The following ARHGAP42 variants were observed in gnomAD, a reference collection of about 807,000 sequenced individuals.
ARHGAP42 encodes the protein rho GTPase-activating protein 42.
Under a neutral mutation model 125.0 loss-of-function variants are expected in ARHGAP42, and 63 were observed. The observed-to-expected ratio is 0.50, with a 90% CI of 0.41 to 0.62. ARHGAP42 has a LOEUF of 0.62. ARHGAP42 is among the 20% of genes least tolerant of loss of function. The probability of loss-of-function intolerance (pLI) is 0.00; values close to 1 mark genes in which losing one functional copy is unlikely to be tolerated. For synonymous variants in ARHGAP42, 339 were observed against 351.0 expected, an observed-to-expected ratio of 0.97 and a Z score of 0.38; for missense variants, 766 against 1,024.2, an observed-to-expected ratio of 0.75 and a Z score of 3.44.
chr11:100,726,678 A>C (rs771616138), intron 1 of ARHGAP42, among the ~76,000 whole-genome samples: 4 of 152,222 alleles, frequency 2.6e-5, no homozygotes, highest in African/African-American at 7.2e-5. Flanking sequence ...ATTTACATGG[A>C]GCACTACCAA....
At chr11:100,809,447 AT>A (rs1211924093) in intron 3 of ARHGAP42, among the ~76,000 whole-genome samples, 2 of 152,254 alleles carry the variant, frequency 1.3e-5, no homozygotes, top group East Asian at 3.8e-4. Flanking sequence ...CTATTGTAAT[AT>A]GGCAATGACC....
At chr11:100,902,364 AT>A (rs5794078) in intron 4 of ARHGAP42, among the ~76,000 whole-genome samples, 7,919 of 151,998 alleles carry the variant, frequency 0.052, 366 homozygotes, top group East Asian at 0.25. Context: ...TAATATGTTG[AT>A]TTTTTTTCCT....
chr11:100,896,231 C>T (rs1266673447), intron 4 of ARHGAP42, among the ~76,000 whole-genome samples: 2 of 149,172 alleles, frequency 1.3e-5, no homozygotes, highest in African/African-American at 4.9e-5. Flanking sequence ...TTTTCTTAAT[C>T]CAGTCTATCA....
chr11:100,899,156 G>A (rs953308576), intron 4 of ARHGAP42, among the ~76,000 whole-genome samples: 1 of 152,228 alleles, frequency 6.6e-6, no homozygotes, highest in Admixed American at 6.5e-5. Context: ...GCAGTTTTGA[G>A]TGAGTTTCTT....
chr11:100,797,256 C>G (rs1218200952), intron 3 of ARHGAP42, among the ~76,000 whole-genome samples: 1 of 152,152 alleles, frequency 6.6e-6, no homozygotes, highest in Non-Finnish European at 1.5e-5. Flanking sequence ...TGGCTGAGAT[C>G]GTAGATGAAG....
At chr11:100,902,471 T>C (rs1293009575) in intron 4 of ARHGAP42, among the ~76,000 whole-genome samples, 1 of 152,196 alleles carries the variant, frequency 6.6e-6, no homozygotes, top group Non-Finnish European at 1.5e-5. Flanking sequence ...GCAAAGCCCT[T>C]GAAAATGTTT....
chr11:100,936,377 C>G, intron 8 of ARHGAP42, 45 bp downstream of exon 8: 1 of 1,549,118 alleles, frequency 6.5e-7, no homozygotes, highest in Non-Finnish European at 8.7e-7. Flanking sequence ...GACTTAGCCA[C>G]GATCATGAGA....
chr11:100,696,362 A>AT (rs1366385115), intron 1 of ARHGAP42, among the ~76,000 whole-genome samples: 1 of 151,486 alleles, frequency 6.6e-6, no homozygotes, highest in Non-Finnish European at 1.5e-5. Flanking sequence ...TTATCTATTT[A>AT]TTTTTTTTGA....
At chr11:100,717,951 G>A (rs894344865) in intron 1 of ARHGAP42, among the ~76,000 whole-genome samples, 6 of 150,330 alleles carry the variant, frequency 4.0e-5, no homozygotes, top group African/African-American at 7.3e-5. Context: ...ACACCGTAGT[G>A]TATTCAGTGT....
intron 6 of ARHGAP42, among the ~76,000 whole-genome samples, chr11:100,928,493 G>T (rs1043816321): frequency 6.6e-6 from 1 of 151,890 alleles, no homozygotes; most frequent in Admixed American, 6.6e-5. Context: ...GGCTGAGGTG[G>T]GAGGATCACT....
intron 1 of ARHGAP42, among the ~76,000 whole-genome samples, chr11:100,739,100 G>C (rs1188002597): frequency 6.6e-6 from 1 of 152,146 alleles, no homozygotes; most frequent in African/African-American, 2.4e-5. Flanking sequence ...GAAATATGTA[G>C]ATTTGACAGT....
intron 1 of ARHGAP42, among the ~76,000 whole-genome samples, chr11:100,703,331 C>A (rs1156515584): frequency 6.6e-6 from 1 of 152,074 alleles, no homozygotes; most frequent in Non-Finnish European, 1.5e-5. Flanking sequence ...ATATTTCTTG[C>A]AGGATTTTTG....
chr11:100,921,377 A>G, intron 5 of ARHGAP42, 117 bp from the exon 6 acceptor site: 1 of 714,770 alleles, frequency 1.4e-6, no homozygotes. Context: ...AAGGACTATA[A>G]TAAGTGCTGT....
rs1265333637 is a variant in ARHGAP42, at chr11:100,933,277, TC to T, written c.702+18del. The T allele has an allele frequency of 6.7e-7, 1 of 1,490,314 alleles. No homozygotes were observed. The allele number at this position is 1,490,314 out of a possible 1,614,324, so 92.3% of individuals were successfully genotyped here. A position where few individuals can be genotyped will look rare whatever the true frequency, so the allele number is the denominator to read the frequency against. On this transcript the variant is annotated intron_variant, in intron 7 of 23. Transcript: ENST00000298815. ...TTGCAGAATGTAAGAGTATACCTGT[TC>T]TTACTGTCTCTCAGCAAATCTGCAA...
chr11:100,875,872 G>A (rs976637274), intron 4 of ARHGAP42, among the ~76,000 whole-genome samples: 5 of 152,094 alleles, frequency 3.3e-5, no homozygotes, highest in African/African-American at 1.2e-4. Context: ...AGATTTCAGT[G>A]TCCATAAATA....
At chr11:100,731,248 TC>T (rs1429295005) in intron 1 of ARHGAP42, among the ~76,000 whole-genome samples, 3 of 152,052 alleles carry the variant, frequency 2.0e-5, no homozygotes, top group African/African-American at 7.2e-5. Flanking sequence ...AACCTCTGCC[TC>T]CCGGGTTCAA....
At chr11:100,749,671 A>C (rs1862398616) in intron 1 of ARHGAP42, among the ~76,000 whole-genome samples, 1 of 152,130 alleles carries the variant, frequency 6.6e-6, no homozygotes, top group African/African-American at 2.4e-5. Flanking sequence ...AGGCGTACCG[A>C]TATAACTTCC....
intron 1 of ARHGAP42, among the ~76,000 whole-genome samples, chr11:100,711,085 G>T (rs2120237082): frequency 6.6e-6 from 1 of 152,320 alleles, no homozygotes; most frequent in Non-Finnish European, 1.5e-5. Context: ...AGTTTGTGAA[G>T]ATTTAACACT....
Position 100,943,629 on chromosome 11 carries a change from G to T in ARHGAP42, c.934-130G>T, listed in dbSNP as rs181117153. On this transcript the variant is annotated intron_variant, in intron 9 of 23. Coordinates refer to ENST00000298815, the MANE Select transcript of ARHGAP42 (RefSeq NM_152432.4). ...TAACATCAGGAATAAAAAAAGACAG[G>T]GTATGATTGTGACCTTTATACATAA... 1.7e-5 allele frequency: 9 copies of T among 537,174 alleles called. No individual in the cohort carries two copies. The South Asian group carries it at 2.4e-4, about 14-fold the overall frequency. 33.3% of individuals were successfully genotyped at this position (537,174 alleles called of 1,614,324 possible).
Sources: gnomAD v4.1 joint callset for allele counts (sites outside exome capture counted in the v4.1 genomes callset) on GRCh38, gnomAD v4.1.1 for gene constraint, MANE v1.5 for transcripts, NCBI Gene and HGNC (gene_info 2026-07-23, HGNC 2026-07-21) for gene names.